Variants in KCNIP4 observed in about 807,000 individuals in gnomAD.
KCNIP4 encodes the protein potassium voltage-gated channel interacting protein 4.
A neutral mutation model predicts 34.0 loss-of-function variants in KCNIP4; 12 were observed. The ratio of observed to expected loss-of-function variants is 0.35; its 90% CI spans 0.23 to 0.57. The LOEUF is 0.57. Ranked by LOEUF, KCNIP4 falls within the 20% of genes least tolerant of loss-of-function variation. The probability of loss-of-function intolerance (pLI) is 0.83; values close to 1 mark genes in which losing one functional copy is unlikely to be tolerated. For synonymous variants in KCNIP4, 124 were observed against 102.2 expected (o/e 1.21, Z -1.29); for missense variants, 238 against 311.7 (o/e 0.76, Z 1.78).
intron 1 of KCNIP4, among the ~76,000 whole-genome samples, chr4:21,644,471 A>T (rs972695089): frequency 3.3e-5 from 5 of 152,244 alleles, no homozygotes; most frequent in African/African-American, 1.2e-4. Flanking sequence ...AATCTTGGCA[A>T]TAAGACTTCC....
intron 1 of KCNIP4, among the ~76,000 whole-genome samples, chr4:21,811,058 C>G (rs1721621417): frequency 6.6e-6 from 1 of 152,190 alleles, no homozygotes; most frequent in African/African-American, 2.4e-5. Context: ...ATTAGTCCCA[C>G]TTTAACTAAC....
chr4:21,247,956 TATATATATACACACAC>T (rs1560213126), intron 1 of KCNIP4, among the ~76,000 whole-genome samples: 24 of 119,824 alleles, frequency 2.0e-4, no homozygotes, highest in African/African-American at 8.4e-4. Context: ...TACACACACA[TATATATATACACACAC>T]ATATATATAT....
intron 1 of KCNIP4, among the ~76,000 whole-genome samples, chr4:21,153,608 C>T (rs1752927880): frequency 6.6e-6 from 1 of 150,916 alleles, no homozygotes; most frequent in Non-Finnish European, 1.5e-5. Flanking sequence ...ATATACTAAA[C>T]AAATTATCCC....
chr4:21,769,471 G>T (rs1311178356), intron 1 of KCNIP4, among the ~76,000 whole-genome samples: 1 of 152,058 alleles, frequency 6.6e-6, no homozygotes, highest in Non-Finnish European at 1.5e-5. Flanking sequence ...AATTACATCA[G>T]TTATTTCCTT....
chr4:21,593,170 A>T (rs1742361197), intron 1 of KCNIP4, among the ~76,000 whole-genome samples: 1 of 151,346 alleles, frequency 6.6e-6, no homozygotes, highest in South Asian at 2.1e-4. Context: ...GAAAAAAAAA[A>T]GTCCTGCTAC....
intron 1 of KCNIP4, among the ~76,000 whole-genome samples, chr4:21,410,153 G>T (rs115358771): frequency 6.6e-6 from 1 of 152,114 alleles, no homozygotes; most frequent in Non-Finnish European, 1.5e-5. Flanking sequence ...TTAACAATGA[G>T]ACCCATGGCT....
chr4:21,277,054 G>A (rs1297312646), intron 1 of KCNIP4, among the ~76,000 whole-genome samples: 1 of 152,138 alleles, frequency 6.6e-6, no homozygotes, highest in African/African-American at 2.4e-5. Flanking sequence ...TTTTTATTGA[G>A]AGGAAAAATA....
intron 1 of KCNIP4, among the ~76,000 whole-genome samples, chr4:21,050,421 T>C (rs1742820766): frequency 6.6e-6 from 1 of 152,196 alleles, no homozygotes; most frequent in Non-Finnish European, 1.5e-5. Context: ...TGTGAACATT[T>C]TCTCGGTATC....
intron 1 of KCNIP4, among the ~76,000 whole-genome samples, chr4:20,968,935 A>C (rs1417224721): frequency 6.6e-6 from 1 of 152,178 alleles, no homozygotes; most frequent in African/African-American, 2.4e-5. Flanking sequence ...ATAAAAAATA[A>C]AAATAAAAGT....
chr4:21,206,788 T>C (rs548563219), intron 1 of KCNIP4, among the ~76,000 whole-genome samples: 1 of 152,330 alleles, frequency 6.6e-6, no homozygotes, highest in East Asian at 1.9e-4. Flanking sequence ...AAAACTGATC[T>C]TTAGAGAAGT....
intron 3 of KCNIP4, among the ~76,000 whole-genome samples, chr4:20,762,673 T>C (rs1329328827): frequency 6.6e-6 from 1 of 152,234 alleles, no homozygotes; most frequent in Non-Finnish European, 1.5e-5. Flanking sequence ...TAGTTAACTC[T>C]TGCTGCTGTA....
chr4:21,636,004 T>A (rs1008484243), intron 1 of KCNIP4, among the ~76,000 whole-genome samples: 1 of 151,240 alleles, frequency 6.6e-6, no homozygotes, highest in African/African-American at 2.4e-5. Context: ...ATGGATGAAA[T>A]TGGAAATCAT....
intron 1 of KCNIP4, among the ~76,000 whole-genome samples, chr4:21,500,955 C>A (rs955935199): frequency 6.6e-6 from 1 of 152,020 alleles, no homozygotes; most frequent in Non-Finnish European, 1.5e-5. Context: ...GTGTTCAAAG[C>A]ATTGTTAATA....
chr4:21,891,980 G>A (rs1727123004), intron 1 of KCNIP4, among the ~76,000 whole-genome samples: 1 of 151,912 alleles, frequency 6.6e-6, no homozygotes, highest in African/African-American at 2.4e-5. Flanking sequence ...GGAAAGGCTG[G>A]GGGTGATTTC....
chr4:21,236,280 A>G (rs1308207689), intron 1 of KCNIP4, among the ~76,000 whole-genome samples: 2 of 152,224 alleles, frequency 1.3e-5, no homozygotes, highest in African/African-American at 4.8e-5. Flanking sequence ...TAAATAATAT[A>G]GATGGCAATG....
rs1714677034 is a variant in KCNIP4, at chr4:21,719,997, AAAGAAAAAGAAGAAG to A, written c.61+228559_61+228573del. On this transcript the variant is annotated intron_variant, in intron 1 of 8. Transcript: ENST00000382152. ...AAAAAAAAGAAGAAGAGGAAGAAGA[AAAGAAAAAGAAGAAG>A]AAGAAGGAGAAGGAGAAGGAGAAGG... Among the ~76,000 whole-genome samples, 4 of 83,980 alleles carry A rather than the reference AAAGAAAAAGAAGAAG, an allele frequency of 4.8e-5. No homozygotes were observed. In the Admixed American group the frequency reaches 5.2e-4, roughly 11 times the overall value. The allele number at this position is 83,980 out of a possible 152,430, so 55.1% of individuals were successfully genotyped here.
At chr4:21,071,689 A>T (rs1433829873) in intron 1 of KCNIP4, among the ~76,000 whole-genome samples, 18 of 152,246 alleles carry the variant, frequency 1.2e-4, no homozygotes, top group Admixed American at 1.2e-3. Context: ...CATGTGCACA[A>T]TGTGCAGGTT....
intron 3 of KCNIP4, among the ~76,000 whole-genome samples, chr4:20,769,502 A>T (rs1755691519): frequency 6.6e-6 from 1 of 152,188 alleles, no homozygotes; most frequent in Admixed American, 6.5e-5. Context: ...TTCTATAGGC[A>T]CCCAAAACCA....
chr4:21,526,078 A>G (rs967618281), intron 1 of KCNIP4, among the ~76,000 whole-genome samples: 1 of 152,166 alleles, frequency 6.6e-6, no homozygotes, highest in Non-Finnish European at 1.5e-5. Context: ...AGGATCCATC[A>G]TGAAAGGATG....
Sources: gnomAD v4.1 joint callset for allele counts (sites outside exome capture counted in the v4.1 genomes callset) on GRCh38, gnomAD v4.1.1 for gene constraint, MANE v1.5 for transcripts, NCBI Gene and HGNC (gene_info 2026-07-23, HGNC 2026-07-21) for gene names.